The following MDGA2 variants were observed in gnomAD, a reference collection of about 807,000 sequenced individuals.
The protein encoded by MDGA2 is MAM domain-containing glycosylphosphatidylinositol anchor protein 2.
In MDGA2, 40 loss-of-function variants were observed where a neutral mutation model predicts 117.8. The ratio of observed to expected loss-of-function variants is 0.34; its 90% CI spans 0.26 to 0.44. The LOEUF (loss-of-function observed/expected upper bound fraction) is 0.44, where lower values mean the gene tolerates loss of function less well. MDGA2 is among the 20% of genes least tolerant of loss of function. MDGA2 has a pLI of 1.00. For synonymous variants in MDGA2, 452 were observed against 439.0 expected (o/e 1.03, Z -0.37); for missense variants, 1,123 against 1,250.6 (o/e 0.90, Z 1.54).
chr14:47,150,001 G>GTCATCTATTGAC (rs1883098697), intron 3 of MDGA2, among the ~76,000 whole-genome samples: 1 of 152,150 alleles, frequency 6.6e-6, no homozygotes, highest in African/African-American at 2.4e-5. Flanking sequence ...GCCAAGTAAT[G>GTCATCTATTGAC]TCATCTATTG....
rs199572610 is a variant in MDGA2 at position 47,674,568 on chromosome 14, C to A, written c.229G>T (p.Val77Leu). The A allele has an allele frequency of 4.4e-4, 683 of 1,551,530 alleles. 3 individuals are homozygous for A. The highest frequency in any genetic ancestry group is 1.3e-4 in the Non-Finnish European group (150 of 1,146,888). ...HVKMDLLYGL[V>L]WLLTVLLEGI... ...TCCAGGAGGACTGTCAGCAGCCACA[C>A]GAGACCGTACAGTAAATCCATCTTC... The change falls in exon 1 of 17, where the codon GTG becomes TTG. Residue 77 changes from valine to leucine, a missense_variant. Physicochemically the swap from Val to Leu is conservative, Grantham distance 32. Around this residue, in one of 2 missense-constraint regions of MDGA2, gnomAD observed 233 missense variants for 200.3 expected, o/e 1.16. Transcript: ENST00000399232.
chr14:47,406,134 A>C (rs1892255528), intron 1 of MDGA2, among the ~76,000 whole-genome samples: 1 of 152,132 alleles, frequency 6.6e-6, no homozygotes, highest in African/African-American at 2.4e-5. Context: ...CATATGTAAA[A>C]GGTTATACTC....
intron 1 of MDGA2, among the ~76,000 whole-genome samples, chr14:47,406,494 T>A (rs1892264291): frequency 6.6e-6 from 1 of 152,040 alleles, no homozygotes; most frequent in South Asian, 2.1e-4. Flanking sequence ...AGGAGCAGCA[T>A]TTACCAGGGA....
intron 2 of MDGA2, among the ~76,000 whole-genome samples, chr14:47,238,226 C>T (rs576564720): frequency 5.0e-4 from 76 of 152,194 alleles, no homozygotes; most frequent in Admixed American, 2.9e-3. Context: ...CTCCAATTTT[C>T]TTCAGCACAC....
chr14:46,976,554 C>T (rs773388896), intron 8 of MDGA2, among the ~76,000 whole-genome samples: 36 of 151,744 alleles, frequency 2.4e-4, no homozygotes, highest in Non-Finnish European at 4.9e-4. Flanking sequence ...CATTATCTAG[C>T]ATGCATAAAA....
chr14:47,051,112 GA>G (rs1889441963), intron 7 of MDGA2, among the ~76,000 whole-genome samples: 1 of 151,892 alleles, frequency 6.6e-6, no homozygotes, highest in Non-Finnish European at 1.5e-5. Context: ...TTTAATCTAA[GA>G]TTTTAAGGCA....
At chr14:47,058,876 TAGAAC>T (rs911758062) in intron 7 of MDGA2, 2 of 985,758 alleles carry the variant, frequency 2.0e-6, no homozygotes, top group African/African-American at 3.5e-5. Context: ...TAGCCACACT[TAGAAC>T]AGCCCCAAAT....
chr14:46,977,720 T>C (rs79236513), intron 8 of MDGA2, among the ~76,000 whole-genome samples: 6,937 of 151,872 alleles, frequency 0.046, 553 homozygotes, highest in African/African-American at 0.16. Context: ...GTTACAGATA[T>C]AATATTGATC....
chr14:47,002,727 T>A (rs1340639530), intron 8 of MDGA2, among the ~76,000 whole-genome samples: 1 of 148,796 alleles, frequency 6.7e-6, no homozygotes, highest in Non-Finnish European at 1.5e-5. Context: ...AGACTCTATC[T>A]AAAAAAAAAA....
intron 10 of MDGA2, among the ~76,000 whole-genome samples, chr14:46,917,055 A>G (rs1234414524): frequency 3.9e-5 from 6 of 152,034 alleles, no homozygotes; most frequent in Admixed American, 6.6e-5. Context: ...AAAGAACAGT[A>G]TTAGTATCAG....
chr14:47,493,108 T>A (rs917700211), intron 1 of MDGA2, among the ~76,000 whole-genome samples: 2 of 151,872 alleles, frequency 1.3e-5, no homozygotes, highest in Non-Finnish European at 2.9e-5. Flanking sequence ...TCCTAACATT[T>A]GTTAATTCTA....
rs1055245438 is a variant in MDGA2 at position 47,335,747 on chromosome 14, T to TATATATATATATATATATATACAC, written c.281-34198_281-34197insGTGTATATATATATATATATATAT. On this transcript the variant is annotated intron_variant, in intron 1 of 16. Coordinates refer to ENST00000399232, the MANE Select transcript of MDGA2 (RefSeq NM_001113498.3). ...CACACATATATTTTATATATATATA[T>TATATATATATATATATATATACAC]ACATACATACATACAGGATCACTCT... Among the ~76,000 whole-genome samples, 122 of 68,584 alleles carry TATATATATATATATATATATACAC rather than the reference T, an allele frequency of 1.8e-3. 4 individuals carry two copies. The highest frequency in any genetic ancestry group is 3.7e-3 in the South Asian group (7 of 1,900). 45.0% of individuals were successfully genotyped at this position (68,584 alleles called of 152,430 possible).
At chr14:47,525,950 ATTC>A (rs1165736775) in intron 1 of MDGA2, among the ~76,000 whole-genome samples, 1 of 152,014 alleles carries the variant, frequency 6.6e-6, no homozygotes, top group Non-Finnish European at 1.5e-5. Context: ...GTTTTTAAAT[ATTC>A]TTCTTCATTT....
At chr14:47,557,950 A>G (rs1451389894) in intron 1 of MDGA2, among the ~76,000 whole-genome samples, 4 of 152,188 alleles carry the variant, frequency 2.6e-5, no homozygotes, top group Non-Finnish European at 4.4e-5. Context: ...GATTATCCAC[A>G]TTTGTCATTA....
intron 1 of MDGA2, among the ~76,000 whole-genome samples, chr14:47,407,187 T>C (rs1892276309): frequency 6.6e-6 from 1 of 152,150 alleles, no homozygotes; most frequent in Non-Finnish European, 1.5e-5. Flanking sequence ...TAAGAGCTAA[T>C]TTAAGATTCT....
At chr14:47,335,631 T>A (rs1890420523) in intron 1 of MDGA2, among the ~76,000 whole-genome samples, 1 of 150,816 alleles carries the variant, frequency 6.6e-6, no homozygotes, top group Non-Finnish European at 1.5e-5. Context: ...TTTTAAACAA[T>A]GAAATAATGT....
At chr14:46,849,744 CTAGTT>C (rs1366043937) in intron 15 of MDGA2, among the ~76,000 whole-genome samples, 1 of 151,822 alleles carries the variant, frequency 6.6e-6, no homozygotes, top group African/African-American at 2.4e-5. Flanking sequence ...TTAAGACTCT[CTAGTT>C]TAAAGAGTTA....
intron 4 of MDGA2, among the ~76,000 whole-genome samples, chr14:47,140,329 A>G (rs551364816): frequency 6.6e-6 from 1 of 152,212 alleles, no homozygotes; most frequent in East Asian, 1.9e-4. Context: ...ATTGGAAAAC[A>G]CAATCCAAAA....
intron 8 of MDGA2, among the ~76,000 whole-genome samples, chr14:46,979,504 C>T (rs560043532): frequency 3.3e-5 from 5 of 152,226 alleles, no homozygotes; most frequent in South Asian, 2.1e-4. Context: ...TGCTCCAAAT[C>T]GCCCACTTGT....
Sources: allele counts gnomAD v4.1 joint callset (sites outside exome capture counted in the v4.1 genomes callset), GRCh38; gene constraint gnomAD v4.1.1; regional missense constraint gnomAD v4.1.1; transcripts MANE v1.5; gene names NCBI Gene and HGNC (gene_info 2026-07-23, HGNC 2026-07-21).